The following XPO6 variants were observed in gnomAD, a reference collection of about 807,000 sequenced individuals.
XPO6 encodes the protein exportin 6.
XPO6 carries 3 observed loss-of-function variants against 130.0 expected under a neutral mutation model. The ratio of observed to expected loss-of-function variants is 0.02; its 90% CI spans 0.01 to 0.06. XPO6 has a LOEUF of 0.06. Among genes scored for constraint, XPO6 ranks in the 10% least tolerant of loss-of-function variants. The pLI, the probability that XPO6 is intolerant of heterozygous loss-of-function variation, is 1.00. For synonymous variants in XPO6, 524 were observed against 548.9 expected, an observed-to-expected ratio of 0.95 and a Z score of 0.63; for missense variants, 970 against 1,393.0, an observed-to-expected ratio of 0.70 and a Z score of 4.83.
chr16:28,129,129 C>T (rs979785866), intron 12 of XPO6, among the ~76,000 whole-genome samples: 2 of 152,212 alleles, frequency 1.3e-5, no homozygotes, highest in South Asian at 4.1e-4. Flanking sequence ...CAATTCCATA[C>T]AGTTCCACTT....
At position 28,125,780 on chromosome 16, in the gene XPO6, A is replaced by G; in HGVS notation, c.1675T>C (p.Ser559Pro). 1 of 1,614,192 alleles carries G rather than the reference A, an allele frequency of 6.2e-7. No individual in the cohort carries two copies. The highest frequency in any genetic ancestry group is 8.5e-7 in the Non-Finnish European group (1 of 1,180,034). ...AGGCGGCCCACGGCCTGCAGCAGGGAGCTCAAGTCTCTCAGGGAGCAGTGC... is the reference window on the plus strand; with the variant it reads ...AGGCGGCCCACGGCCTGCAGCAGGGGGCTCAAGTCTCTCAGGGAGCAGTGC... ...RLHCSLRDLS[S>P]LLQAVGRLAE... is the part of the protein sequence containing the mutation. The change falls in exon 13 of 24, where the codon TCC becomes CCC. Residue 559 changes from serine (S) to proline (P), a missense_variant. Ser to Pro is a moderately conservative substitution (Grantham distance 74). Around this residue, in one of 4 missense-constraint regions of XPO6, gnomAD observed 936 missense variants for 1,306.8 expected, o/e 0.72. Coordinates refer to ENST00000304658, the MANE Select transcript of XPO6 (RefSeq NM_015171.4).
intron 1 of XPO6, among the ~76,000 whole-genome samples, chr16:28,189,719 G>T (rs1567646037): frequency 6.6e-6 from 1 of 152,252 alleles, no homozygotes; most frequent in South Asian, 2.1e-4. Flanking sequence ...CATGAGAAAG[G>T]CTTCTTGTTT....
intron 9 of XPO6, among the ~76,000 whole-genome samples, chr16:28,141,365 C>T (rs1240107546): frequency 1.3e-5 from 2 of 152,190 alleles, no homozygotes; most frequent in African/African-American, 2.4e-5. Context: ...TTCACATTGA[C>T]AAGCACAAAG....
At chr16:28,122,707 T>C (rs2087276617) in intron 13 of XPO6, among the ~76,000 whole-genome samples, 1 of 152,110 alleles carries the variant, frequency 6.6e-6, no homozygotes, top group African/African-American at 2.4e-5. Context: ...TCTATAAAAT[T>C]TGATAATGAT....
At chr16:28,162,384 A>AG (rs1314441081) in intron 6 of XPO6, among the ~76,000 whole-genome samples, 1 of 152,244 alleles carries the variant, frequency 6.6e-6, no homozygotes, top group African/African-American at 2.4e-5. Context: ...TTCATGCAGC[A>AG]GCACTTCCAA....
intron 1 of XPO6, among the ~76,000 whole-genome samples, chr16:28,188,796 T>A (rs1362188929): frequency 1.3e-5 from 2 of 150,666 alleles, no homozygotes; most frequent in East Asian, 3.9e-4. Context: ...GCGAGTGACA[T>A]CTACCTATCC....
rs376852602 is a variant in XPO6 at position 28,175,311 on chromosome 16, C to A, written c.405+587G>T. 2.0e-5 allele frequency among the ~76,000 whole-genome samples: 3 copies of A among 152,176 alleles called. No individual in the cohort carries two copies. In the East Asian group the frequency reaches 5.8e-4, roughly 29 times the overall value. On this transcript the variant is annotated intron_variant, in intron 4 of 23. Transcript: ENST00000304658. ...TCCAGACCCCAGCTAGCCATCATTC[C>A]ACCATAAACATGTAGCCATGTTTTC...
intron 17 of XPO6, among the ~76,000 whole-genome samples, chr16:28,109,277 A>G (rs1381210245): frequency 6.6e-6 from 1 of 151,968 alleles, no homozygotes; most frequent in East Asian, 1.9e-4. Context: ...GACATTATAA[A>G]ACCATTAAAA....
At position 28,155,013 on chromosome 16, in the gene XPO6, T is replaced by A. The variant is rs191101162; in HGVS notation, c.1097+1061A>T. ...ATTGTGTTCTTATACAGAGCAAACA[T>A]CACGGTTTTACAATAAACCAAACCA... On this transcript the variant is annotated intron_variant, in intron 7 of 23. Transcript: ENST00000304658. Among the ~76,000 whole-genome samples, 7 of 152,296 alleles carry A rather than the reference T, an allele frequency of 4.6e-5. No individual in the cohort carries two copies. In the East Asian group the frequency reaches 9.6e-4, roughly 21 times the overall value.
intron 13 of XPO6, among the ~76,000 whole-genome samples, chr16:28,125,107 AAGG>A (rs2087360898): frequency 6.6e-6 from 1 of 152,198 alleles, no homozygotes; most frequent in Admixed American, 6.5e-5. Context: ...ACCCAAGAGG[AAGG>A]AGAAGAAAAG....
In XPO6 at chr16:28,166,598, G is replaced by C; in HGVS notation, c.566-13C>G. On this transcript the variant is annotated splice_polypyrimidine_tract_variant and intron_variant, in intron 5 of 23. Coordinates refer to ENST00000304658, the MANE Select transcript of XPO6 (RefSeq NM_015171.4). Reference sequence around the variant, plus strand: ...GTCTCCAAGATACCTACCAAGAAAGGAGAAACAGAGTTATAAGAGAAATAA... The same window carrying C: ...GTCTCCAAGATACCTACCAAGAAAGCAGAAACAGAGTTATAAGAGAAATAA... 1 of 1,571,326 alleles carries C rather than the reference G, an allele frequency of 6.4e-7. No individual in the cohort carries two copies. The highest frequency in any genetic ancestry group is 8.6e-7 in the Non-Finnish European group (1 of 1,156,366).
intron 9 of XPO6, among the ~76,000 whole-genome samples, chr16:28,136,810 G>A (rs1596852573): frequency 6.6e-6 from 1 of 152,234 alleles, no homozygotes; most frequent in African/African-American, 2.4e-5. Context: ...ATCCTGAAAC[G>A]CTTCTAAGAT....
chr16:28,210,712 C>G (rs1198257380), intron 1 of XPO6, among the ~76,000 whole-genome samples: 1 of 152,198 alleles, frequency 6.6e-6, no homozygotes, highest in Non-Finnish European at 1.5e-5. Flanking sequence ...AAGGTAGCTT[C>G]AGCAGAGATC....
chr16:28,197,638 C>T (rs535409139), intron 1 of XPO6, among the ~76,000 whole-genome samples: 3 of 152,066 alleles, frequency 2.0e-5, no homozygotes, highest in African/African-American at 7.2e-5. Flanking sequence ...CAGACTAGGC[C>T]GGGCGCGGTG....
chr16:28,116,660 AG>A (rs1389580138), intron 15 of XPO6, among the ~76,000 whole-genome samples: 2 of 152,214 alleles, frequency 1.3e-5, no homozygotes, highest in Admixed American at 1.3e-4. Context: ...GCCTAAAGAC[AG>A]GAAGATGGGG....
At chr16:28,128,831 C>T (rs941967541) in intron 12 of XPO6, among the ~76,000 whole-genome samples, 4 of 152,196 alleles carry the variant, frequency 2.6e-5, no homozygotes, top group Non-Finnish European at 5.9e-5. Context: ...CTGGCCCACT[C>T]CTTGAGGGTA....
At chr16:28,153,872 G>A (rs1335855681) in intron 7 of XPO6, 1 of 985,374 alleles carries the variant, frequency 1.0e-6, no homozygotes, top group Non-Finnish European at 1.2e-6. Flanking sequence ...AGCAAAACTG[G>A]CCCGGAAATA....
At chr16:28,128,386 T>C (rs1325506160) in intron 12 of XPO6, among the ~76,000 whole-genome samples, 20 of 152,170 alleles carry the variant, frequency 1.3e-4, no homozygotes, top group Admixed American at 1.3e-3. Context: ...CAGCAGTCCC[T>C]GGCACTCTCC....
intron 9 of XPO6, among the ~76,000 whole-genome samples, chr16:28,135,632 C>A (rs541629515): frequency 6.6e-6 from 1 of 152,192 alleles, no homozygotes; most frequent in Admixed American, 6.5e-5. Flanking sequence ...TATAGTGACC[C>A]GAGCTTTCTT....
Sources: allele counts gnomAD v4.1 joint callset (sites outside exome capture counted in the v4.1 genomes callset), GRCh38; gene constraint gnomAD v4.1.1; regional missense constraint gnomAD v4.1.1; transcripts MANE v1.5; gene names NCBI Gene and HGNC (gene_info 2026-07-23, HGNC 2026-07-21).